The following TDRD7 variants were observed in gnomAD, a reference collection of about 807,000 sequenced individuals.
The protein encoded by TDRD7 is tudor domain containing 7.
Under a neutral mutation model 109.8 loss-of-function variants are expected in TDRD7, and 47 were observed. The observed-to-expected ratio is 0.43, with a 90% CI of 0.34 to 0.55. The LOEUF is 0.55. Among genes scored for constraint, TDRD7 ranks in the 20% least tolerant of loss-of-function variants. The pLI is 0.03. For missense variants in TDRD7, 1,164 were observed against 1,319.2 expected (o/e 0.88, Z 1.82); for synonymous variants, 424 against 457.3 (o/e 0.93, Z 0.93).
intron 1 of TDRD7, among the ~76,000 whole-genome samples, chr9:97,415,405 C>T (rs1295664039): frequency 6.6e-6 from 1 of 152,150 alleles, no homozygotes; most frequent in African/African-American, 2.4e-5. Context: ...CTGGGATACA[C>T]CAAAACCAGG....
rs914527118 is a variant in TDRD7, at chr9:97,465,430, A to G, written c.1629+402A>G. On this transcript the variant is annotated intron_variant, in intron 8 of 16. Coordinates refer to ENST00000355295, the MANE Select transcript of TDRD7 (RefSeq NM_014290.3). ...TTCTTCTTCTCCCTCTTCTGTAGCC[A>G]AGACACAGGTCCTTCTCCACAGCTG... Among the ~76,000 whole-genome samples the G allele has an allele frequency of 7.9e-5, 12 of 152,324 alleles. No homozygotes were observed. In the East Asian group the frequency reaches 2.3e-3, roughly 29 times the overall value.
At chr9:97,444,408 G>A (rs1377246023) in intron 6 of TDRD7, among the ~76,000 whole-genome samples, 1 of 152,204 alleles carries the variant, frequency 6.6e-6, no homozygotes, top group East Asian at 1.9e-4. Context: ...TCAGCAGACT[G>A]TTGTTAAACA....
At chr9:97,477,445 T>G (rs1414008351) in intron 12 of TDRD7, among the ~76,000 whole-genome samples, 2 of 152,234 alleles carry the variant, frequency 1.3e-5, no homozygotes, top group Non-Finnish European at 2.9e-5. Context: ...AGCATTATGT[T>G]GTAAAGTATC....
At chr9:97,450,342 A>G (rs1458425652) in intron 6 of TDRD7, among the ~76,000 whole-genome samples, 2 of 152,248 alleles carry the variant, frequency 1.3e-5, no homozygotes, top group Non-Finnish European at 2.9e-5. Flanking sequence ...CTCCCACAGT[A>G]GAGGAGGCCT....
intron 6 of TDRD7, among the ~76,000 whole-genome samples, chr9:97,448,320 A>G (rs1287000954): frequency 6.6e-6 from 1 of 152,228 alleles, no homozygotes; most frequent in African/African-American, 2.4e-5. Flanking sequence ...GGTACACCAC[A>G]CCGGCTGCCC....
intron 12 of TDRD7, among the ~76,000 whole-genome samples, 177 bp from the exon 13 acceptor site, chr9:97,478,262 A>AAAT (rs372745991): frequency 4.6e-5 from 7 of 152,060 alleles, no homozygotes; most frequent in Non-Finnish European, 1.0e-4. Context: ...CTCTGTCTCA[A>AAAT]AATAATAATA....
chr9:97,451,215 C>T (rs1797857960), intron 6 of TDRD7, among the ~76,000 whole-genome samples: 3 of 152,116 alleles, frequency 2.0e-5, no homozygotes, highest in African/African-American at 4.8e-5. Flanking sequence ...TTCCGGCATA[C>T]GTCACACTAA....
At position 97,460,359 on chromosome 9, in the gene TDRD7, C is replaced by T; in HGVS notation, c.1037C>T (p.Ala346Val). The change falls in exon 7 of 17, where the codon GCA (alanine) becomes GTA (valine). Residue 346 changes from alanine (A) to valine (V), a missense_variant. This residue lies in a region of TDRD7 where 407 missense variants were observed against 394.0 expected (regional missense o/e 1.03). Transcript: ENST00000355295. ...VMAGDFKEKV[A>V]DLLVKYTSGL... is the part of the protein sequence containing the mutation. ...GCAGGAGACTTTAAAGAAAAAGTGG[C>T]AGACCTGCTGGTGAAATACACAAGT... 2 of 1,614,158 alleles carry T rather than the reference C, an allele frequency of 1.2e-6. No individual in the cohort carries two copies. Among genetic ancestry groups the T allele is most frequent in the Middle Eastern group, 1.6e-4 (1 of 6,062 alleles).
At chr9:97,430,834 G>A in intron 2 of TDRD7, 99 bp from the exon 3 acceptor site, 1 of 1,421,558 alleles carries the variant, frequency 7.0e-7, no homozygotes, top group South Asian at 1.2e-5. Flanking sequence ...ACTTGACTTG[G>A]GATATGTAGG....
Position 97,473,615 on chromosome 9 carries a change from T to C in TDRD7, c.2068T>C (p.Phe690Leu), listed in dbSNP as rs1254573315. The C allele has an allele frequency of 6.2e-7, 1 of 1,613,754 alleles. No individual in the cohort carries two copies. The highest frequency in any genetic ancestry group is 1.3e-5 in the African/African-American group (1 of 75,032). The change falls in exon 11 of 17, where the codon TTC (phenylalanine) becomes CTC (leucine). Residue 690 changes from phenylalanine to leucine, a missense_variant. By Grantham distance (22) the Phe-to-Leu change is conservative. This residue lies in a region of TDRD7 where 261 missense variants were observed against 336.2 expected (regional missense o/e 0.78). Transcript: ENST00000355295. ...CCTTCTACGTAAGATAGAGGACTAC[T>C]TCCATTGCAAGGTATAGCAGAACCT... Reference protein sequence around the residue: ...SDLLRKIEDYFHCKHMTSECF... With the variant: ...SDLLRKIEDYLHCKHMTSECF...
intron 16 of TDRD7, among the ~76,000 whole-genome samples, chr9:97,491,837 C>A (rs912197676): frequency 1.3e-5 from 2 of 152,200 alleles, no homozygotes; most frequent in Non-Finnish European, 1.5e-5. Context: ...TTCTCCTCCC[C>A]CAACTGGAAG....
intron 16 of TDRD7, among the ~76,000 whole-genome samples, chr9:97,495,047 C>A (rs1030162228): frequency 6.6e-6 from 1 of 152,160 alleles, no homozygotes. Flanking sequence ...GTTTTAAAAT[C>A]GAATTTAGAA....
chr9:97,459,415 ATGCTCTAGTAGTAGAGCTGACCTC>A lies in TDRD7; in HGVS notation c.856-747_856-724del, dbSNP rs1396649499. ...CATGAGCCATGAACTGCATTGGGCC[ATGCTCTAGTAGTAGAGCTGACCTC>A]TGCTCTAGTAGTAGAAAGGCTTAAA... On this transcript the variant is annotated intron_variant, in intron 6 of 16. Coordinates refer to ENST00000355295, the MANE Select transcript of TDRD7 (RefSeq NM_014290.3). 1.2e-4 allele frequency among the ~76,000 whole-genome samples: 18 copies of A among 152,358 alleles called. No individual in the cohort carries two copies. In the South Asian group the frequency reaches 3.1e-3, roughly 26 times the overall value.
At chr9:97,444,579 C>T (rs1389624480) in intron 6 of TDRD7, among the ~76,000 whole-genome samples, 1 of 152,196 alleles carries the variant, frequency 6.6e-6, no homozygotes, top group African/African-American at 2.4e-5. Flanking sequence ...ATTAGATAGT[C>T]TCAAGGCAGT....
At chr9:97,475,829 CTAAA>C (rs1182170889) in intron 12 of TDRD7, among the ~76,000 whole-genome samples, 2 of 152,040 alleles carry the variant, frequency 1.3e-5, no homozygotes, top group African/African-American at 4.8e-5. Context: ...ATAAGTGTAA[CTAAA>C]TGAATAAATA....
chr9:97,480,250 A>G (rs1307225813), intron 13 of TDRD7: 2 of 162,964 alleles, frequency 1.2e-5, no homozygotes, highest in Non-Finnish European at 2.7e-5. Flanking sequence ...GGTAGGAGCT[A>G]AAAAGCACTG....
At position 97,490,096 on chromosome 9, in the gene TDRD7, A is replaced by G. The variant is rs941652443; in HGVS notation, c.3076+2764A>G. 2.6e-5 allele frequency among the ~76,000 whole-genome samples: 4 copies of G among 152,236 alleles called. No individual in the cohort carries two copies. In the South Asian group the frequency reaches 6.2e-4, roughly 24 times the overall value. On this transcript the variant is annotated intron_variant, in intron 16 of 16. Transcript: ENST00000355295. ...GTTGCTATTATTTTGAACAAACCCTATCTAATAGATGAATTAAGAAAAAGA... is the reference window on the plus strand; with the variant it reads ...GTTGCTATTATTTTGAACAAACCCTGTCTAATAGATGAATTAAGAAAAAGA...
chr9:97,474,080 A>G (rs973032174), intron 11 of TDRD7, among the ~76,000 whole-genome samples: 3 of 151,656 alleles, frequency 2.0e-5, no homozygotes, highest in Non-Finnish European at 4.4e-5. Context: ...CTTACCCATC[A>G]CTCCTTGAGC....
At position 97,460,546 on chromosome 9, in the gene TDRD7, G is replaced by T. The variant is rs1402822879; in HGVS notation, c.1224G>T (p.Leu408Phe). 1.9e-6 allele frequency: 3 copies of T among 1,614,150 alleles called. No individual in the cohort carries two copies. Among genetic ancestry groups the T allele is most frequent in the Non-Finnish European group, 2.5e-6 (3 of 1,180,034 alleles). Residue 408 changes from leucine to phenylalanine, a missense_variant, in exon 7 of 17, where the codon TTG becomes TTT. By Grantham distance (22) the Leu-to-Phe change is conservative. Coordinates refer to ENST00000355295, the MANE Select transcript of TDRD7 (RefSeq NM_014290.3). ...QKAILYAKLP[L>F]PTDKIQKDAG... ...CCATTCTCTATGCTAAACTTCCATT[G>T]CCCACTGACAAAATCCAAAAGGATG...
Sources: gnomAD v4.1 joint callset for allele counts (sites outside exome capture counted in the v4.1 genomes callset) on GRCh38, gnomAD v4.1.1 for gene constraint, gnomAD v4.1.1 regional missense constraint, MANE v1.5 for transcripts, NCBI Gene and HGNC (gene_info 2026-07-23, HGNC 2026-07-21) for gene names.